ANKS1B: variants seen among roughly 807,000 people sequenced by gnomAD.
ANKS1B encodes the protein ankyrin repeat and sterile alpha motif domain containing 1B.
In ANKS1B, 36 loss-of-function variants were observed where a neutral mutation model predicts 148.3. The ratio of observed to expected loss-of-function variants is 0.24; its 90% CI spans 0.19 to 0.32. ANKS1B has a LOEUF of 0.32. Ranked by LOEUF, ANKS1B falls within the 10% of genes least tolerant of loss-of-function variation. The pLI is 1.00. For missense variants in ANKS1B, 1,157 were observed against 1,542.6 expected, an observed-to-expected ratio of 0.75 and a Z score of 4.19; for synonymous variants, 542 against 560.8, an observed-to-expected ratio of 0.97 and a Z score of 0.47.
chr12:99,073,959 C>T (rs2047042518), intron 16 of ANKS1B, among the ~76,000 whole-genome samples: 1 of 152,194 alleles, frequency 6.6e-6, no homozygotes, highest in Admixed American at 6.5e-5. Context: ...AGGACTGGGA[C>T]TTAGTTTCCT....
intron 21 of ANKS1B, among the ~76,000 whole-genome samples, chr12:98,800,176 A>G (rs183258459): frequency 2.4e-4 from 37 of 151,362 alleles, no homozygotes; most frequent in Admixed American, 2.2e-3. Flanking sequence ...AAGCTGCAAT[A>G]TAAGTAAGCT....
At chr12:99,213,377 T>C (rs1169788202) in intron 14 of ANKS1B, among the ~76,000 whole-genome samples, 2 of 152,232 alleles carry the variant, frequency 1.3e-5, no homozygotes, top group Non-Finnish European at 2.9e-5. Flanking sequence ...CCCCTTCATC[T>C]TCCCTTAAGT....
intron 17 of ANKS1B, among the ~76,000 whole-genome samples, chr12:99,022,462 G>A (rs960977148): frequency 1.3e-5 from 2 of 152,160 alleles, no homozygotes; most frequent in Admixed American, 1.3e-4. Context: ...TATACACTAT[G>A]TATCGTTGTG....
Position 99,964,532 on chromosome 12 carries a change from T to C in ANKS1B, c.134+19572A>G, listed in dbSNP as rs79199589. Among the ~76,000 whole-genome samples the C allele has an allele frequency of 1.6e-3, 247 of 152,258 alleles. 9 individuals are homozygous for C. The East Asian group carries it at 0.04, about 25-fold the overall frequency. On this transcript the variant is annotated intron_variant, in intron 1 of 26. Coordinates refer to ENST00000683438, the MANE Select transcript of ANKS1B (RefSeq NM_001352186.2). ...AGTGGAAAGGTAGGAGGTGTGTCCA[T>C]ATTGGGGCAGGCCTAGTGTGGCGTA... is the stretch of plus-strand genomic sequence containing the variant.
chr12:99,961,057 AT>A (rs2095405351), intron 1 of ANKS1B, among the ~76,000 whole-genome samples: 1 of 152,188 alleles, frequency 6.6e-6, no homozygotes, highest in Middle Eastern at 3.4e-3. Flanking sequence ...GTGAAACTCC[AT>A]CTCTACTAAA....
At chr12:99,815,723 T>C (rs1249764127) in intron 2 of ANKS1B, among the ~76,000 whole-genome samples, 1 of 151,752 alleles carries the variant, frequency 6.6e-6, no homozygotes, top group Non-Finnish European at 1.5e-5. Flanking sequence ...AGCTCCCACT[T>C]AGAAGTGAGA....
chr12:98,858,582 C>T (rs73139163), intron 17 of ANKS1B, among the ~76,000 whole-genome samples: 11,154 of 152,210 alleles, frequency 0.073, 570 homozygotes, highest in Admixed American at 0.12. Flanking sequence ...TCAAGTGATC[C>T]GCTCGCCTCA....
At chr12:99,929,999 A>G (rs2094572214) in intron 1 of ANKS1B, among the ~76,000 whole-genome samples, 1 of 152,180 alleles carries the variant, frequency 6.6e-6, no homozygotes, top group Non-Finnish European at 1.5e-5. Context: ...TTGGTTCCAC[A>G]TGAACTTTAA....
At chr12:99,560,127 C>A (rs2097317399) in intron 9 of ANKS1B, among the ~76,000 whole-genome samples, 2 of 152,102 alleles carry the variant, frequency 1.3e-5, no homozygotes, top group South Asian at 4.1e-4. Flanking sequence ...TATTTCTAGG[C>A]TAGAAAGTGG....
intron 1 of ANKS1B, among the ~76,000 whole-genome samples, chr12:99,935,152 C>T (rs542460341): frequency 1.6e-4 from 25 of 152,048 alleles, no homozygotes; most frequent in Non-Finnish European, 3.1e-4. Context: ...AGATCCTATT[C>T]ACCTACAGAA....
chr12:99,745,209 T>G (rs1179186375), intron 8 of ANKS1B, among the ~76,000 whole-genome samples: 2 of 152,100 alleles, frequency 1.3e-5, no homozygotes, highest in Admixed American at 1.3e-4. Context: ...ACATAACTGA[T>G]CACTGTAATT....
intron 17 of ANKS1B, among the ~76,000 whole-genome samples, chr12:98,881,940 T>C (rs774449381): frequency 2.0e-5 from 3 of 152,132 alleles, no homozygotes; most frequent in Non-Finnish European, 4.4e-5. Context: ...CTGAAGCAAA[T>C]GAATCTATCT....
intron 9 of ANKS1B, among the ~76,000 whole-genome samples, chr12:99,616,211 C>T (rs189212963): frequency 1.3e-4 from 20 of 152,302 alleles, no homozygotes; most frequent in Admixed American, 1.3e-4. Flanking sequence ...AATAGCCATA[C>T]TGCCCAAAGT....
At chr12:99,124,417 C>CCTGTGTGTGT (rs1491426061) in intron 15 of ANKS1B, among the ~76,000 whole-genome samples, 5 of 57,122 alleles carry the variant, frequency 8.8e-5, no homozygotes, top group African/African-American at 3.9e-4. Flanking sequence ...TATTTGTGTG[C>CCTGTGTGTGT]ATGTGTGTGT....
At position 99,334,211 on chromosome 12, in the gene ANKS1B, T is replaced by C. The variant is rs76348224; in HGVS notation, c.1756+65420A>G. Among the ~76,000 whole-genome samples, 7 of 151,890 alleles carry C rather than the reference T, an allele frequency of 4.6e-5. No homozygotes were observed. The South Asian group carries it at 8.3e-4, about 18-fold the overall frequency. On this transcript the variant is annotated intron_variant, in intron 12 of 26. Coordinates refer to ENST00000683438, the MANE Select transcript of ANKS1B (RefSeq NM_001352186.2). ...ATAGATACATAGATACATAGATACA[T>C]AGATACATAGAAAGATAGAAGCACA...
intron 17 of ANKS1B, among the ~76,000 whole-genome samples, chr12:98,877,210 A>T (rs2099693476): frequency 6.6e-6 from 1 of 152,190 alleles, no homozygotes; most frequent in Non-Finnish European, 1.5e-5. Context: ...ATGCAAAGAG[A>T]GGTCTCAGAG....
chr12:99,358,893 C>T, intron 12 of ANKS1B, among the ~76,000 whole-genome samples: 1 of 152,112 alleles, frequency 6.6e-6, no homozygotes, highest in East Asian at 1.9e-4. Context: ...AATTCTACTA[C>T]AGATAGGCTA....
intron 11 of ANKS1B, among the ~76,000 whole-genome samples, chr12:99,439,275 C>A (rs1352854661): frequency 2.0e-5 from 3 of 151,536 alleles, no homozygotes; most frequent in Non-Finnish European, 4.4e-5. Context: ...CACAAAAACA[C>A]TAACCATAGA....
chr12:98,976,411 G>C (rs2099896091), intron 17 of ANKS1B: 3 of 152,196 alleles, frequency 2.0e-5, no homozygotes, highest in African/African-American at 7.2e-5. Flanking sequence ...CAAGAAGAAA[G>C]TGTCTTGACT....
Sources: gnomAD v4.1 joint callset for allele counts (sites outside exome capture counted in the v4.1 genomes callset) on GRCh38, gnomAD v4.1.1 for gene constraint, MANE v1.5 for transcripts, NCBI Gene and HGNC (gene_info 2026-07-23, HGNC 2026-07-21) for gene names.